Variants in SEPSECS observed in about 807,000 individuals in gnomAD.
The protein encoded by SEPSECS is O-phosphoseryl-tRNA(Sec) selenium transferase.
A neutral mutation model predicts 52.1 loss-of-function variants in SEPSECS; 42 were observed. The ratio of observed to expected loss-of-function variants is 0.81; its 90% CI spans 0.63 to 1.04. The LOEUF (loss-of-function observed/expected upper bound fraction) is 1.04, where lower values mean the gene tolerates loss of function less well. Ranked by LOEUF, SEPSECS falls within the 50% of genes least tolerant of loss-of-function variation. The pLI is 0.00. For synonymous variants in SEPSECS, 216 were observed against 211.4 expected, an observed-to-expected ratio of 1.02 and a Z score of -0.19; for missense variants, 590 against 610.6, an observed-to-expected ratio of 0.97 and a Z score of 0.36.
rs1239151782 is a variant in SEPSECS at position 25,123,934 on chromosome 4, T to C, written c.1503A>G (p.Ser501=). The C allele has an allele frequency of 1.9e-6, 3 of 1,612,806 alleles. No homozygotes were observed. The highest frequency in any genetic ancestry group is 1.1e-5 in the South Asian group (1 of 91,042). ...VLLDTYQDAS[S] ...TCAAGAAGAAACCCTTCGCATGTCA[T>C]GAAGAAGCATCCTGGTATGTGTCAA... The change falls in exon 11 of 11, where the codon TCA becomes TCG. Residue 501 remains serine, a synonymous_variant. Transcript: ENST00000382103.
At position 25,159,887 on chromosome 4, in the gene SEPSECS, A is replaced by G. The variant is rs973262265; in HGVS notation, c.114+369T>C. On this transcript the variant is annotated intron_variant, in intron 1 of 10. Transcript: ENST00000382103. ...TGGTTCGAGTTAGCATACAGTCTAC[A>G]AACACCATTATGTGTTCTGAGTCGT... The G allele has an allele frequency of 3.5e-6, 4 of 1,142,254 alleles. No individual in the cohort carries two copies. In the African/African-American group the frequency reaches 4.9e-5, roughly 14 times the overall value. The allele number at this position is 1,142,254 out of a possible 1,614,324, so 70.8% of individuals were successfully genotyped here.
intron 8 of SEPSECS, 86 bp downstream of exon 8, chr4:25,144,688 C>T: frequency 2.0e-6 from 2 of 982,698 alleles, no homozygotes; most frequent in Non-Finnish European, 3.3e-6. Context: ...CCTCCCAGTG[C>T]AAGAAACCAA....
chr4:25,147,199 G>T (rs555213869), intron 6 of SEPSECS, among the ~76,000 whole-genome samples: 33 of 152,152 alleles, frequency 2.2e-4, no homozygotes, highest in Non-Finnish European at 2.5e-4. Context: ...TGTACTTCTT[G>T]AAGAGTGCTT....
chr4:25,135,133 A>G (rs771444142), intron 8 of SEPSECS, among the ~76,000 whole-genome samples: 1 of 152,196 alleles, frequency 6.6e-6, no homozygotes, highest in Non-Finnish European at 1.5e-5. Context: ...TGACATTCTA[A>G]CATCAACTAA....
intron 8 of SEPSECS, 83 bp downstream of exon 8, chr4:25,144,691 G>A: frequency 9.9e-7 from 1 of 1,011,314 alleles, no homozygotes; most frequent in African/African-American, 1.6e-5. Flanking sequence ...CCCAGTGCAA[G>A]AAACCAACAG....
intron 6 of SEPSECS, among the ~76,000 whole-genome samples, chr4:25,151,169 G>T (rs554248765): frequency 6.6e-6 from 1 of 152,020 alleles, no homozygotes; most frequent in Non-Finnish European, 1.5e-5. Context: ...TTCAGTAACC[G>T]GTTTATTGAT....
At chr4:25,134,309 T>C (rs958946709) in intron 8 of SEPSECS, among the ~76,000 whole-genome samples, 7 of 130,122 alleles carry the variant, frequency 5.4e-5, no homozygotes, top group African/African-American at 1.7e-4. Context: ...CAAGACCCCA[T>C]ATCTTTAAAA....
intron 8 of SEPSECS, among the ~76,000 whole-genome samples, chr4:25,137,573 C>T (rs879318588): frequency 1.3e-5 from 2 of 152,124 alleles, no homozygotes; most frequent in South Asian, 2.1e-4. Context: ...ACAACAGATG[C>T]TGGCAAGGTT....
intron 8 of SEPSECS, among the ~76,000 whole-genome samples, chr4:25,143,480 A>G (rs1193988267): frequency 6.6e-6 from 1 of 152,202 alleles, no homozygotes; most frequent in Non-Finnish European, 1.5e-5. Context: ...AGCATAATGC[A>G]TTTGAGAGTC....
intron 8 of SEPSECS, among the ~76,000 whole-genome samples, chr4:25,137,984 C>T (rs944586207): frequency 1.3e-5 from 2 of 152,074 alleles, no homozygotes; most frequent in East Asian, 1.9e-4. Context: ...AATACCGCAT[C>T]GTCTCACTCT....
chr4:25,140,419 G>A (rs1460603876), intron 8 of SEPSECS, among the ~76,000 whole-genome samples: 1 of 152,168 alleles, frequency 6.6e-6, no homozygotes, highest in Non-Finnish European at 1.5e-5. Flanking sequence ...CACCAGGCTA[G>A]GTTATCTTCT....
At position 25,160,353 on chromosome 4, in the gene SEPSECS, A is replaced by C; in HGVS notation, c.17T>G (p.Phe6Cys). 6.5e-7 allele frequency: 1 copy of C among 1,548,792 alleles called. No homozygotes were observed. The highest frequency in any genetic ancestry group is 8.7e-7 in the Non-Finnish European group (1 of 1,145,454). The change falls in exon 1 of 11, where the codon TTC becomes TGC. Residue 6 changes from phenylalanine to cysteine, a missense_variant. Physicochemically the swap from Phe to Cys is radical, Grantham distance 205. Transcript: ENST00000382103. Reference sequence around the variant, plus strand: ...CGACACCAGCCGCTCTCCCGCCGCGAAGCTCTCGCGGTTCATGACAGCGGT... The same window carrying C: ...CGACACCAGCCGCTCTCCCGCCGCGCAGCTCTCGCGGTTCATGACAGCGGT... The part of the protein sequence containing the change: MNRES[F>C]AAGERLVSPA...
intron 8 of SEPSECS, among the ~76,000 whole-genome samples, chr4:25,130,166 AGTG>A (rs1444292533): frequency 6.6e-6 from 1 of 152,234 alleles, no homozygotes; most frequent in African/African-American, 2.4e-5. Flanking sequence ...TACATATTTC[AGTG>A]GTGAAGACAA....
At chr4:25,126,936 G>A (rs1241208311) in intron 9 of SEPSECS, among the ~76,000 whole-genome samples, 2 of 152,130 alleles carry the variant, frequency 1.3e-5, no homozygotes, top group Non-Finnish European at 1.5e-5. Context: ...GATTACAGGC[G>A]TGGGCCACCA....
chr4:25,125,566 T>C, intron 10 of SEPSECS, 128 bp downstream of exon 10: 1 of 716,098 alleles, frequency 1.4e-6, no homozygotes. Flanking sequence ...CTCATCATTC[T>C]TTACTCCATG....
Position 25,134,320 on chromosome 4 carries a change from ATGTGTGTGTGTG to A in SEPSECS, c.1027-6975_1027-6964del, listed in dbSNP as rs3066762. 1.7e-3 allele frequency among the ~76,000 whole-genome samples: 253 copies of A among 145,104 alleles called. 1 individual carries two copies. The highest frequency in any genetic ancestry group is 6.2e-3 in the African/African-American group (244 of 39,116). On this transcript the variant is annotated intron_variant, in intron 8 of 10. Coordinates refer to ENST00000382103, the MANE Select transcript of SEPSECS (RefSeq NM_016955.4). ...ATAGCAAGACCCCATATCTTTAAAAATGTGTGTGTGTGTGTGTGTGTGTGTGTGTGTGTATAA... is the reference window on the plus strand; with the variant it reads ...ATAGCAAGACCCCATATCTTTAAAAATGTGTGTGTGTGTGTGTGTGTATAA...
rs1471614148 is a variant in SEPSECS, at chr4:25,123,788, T to C, written c.*143A>G. ...GGGAAACTTAACAATCATCAATGGC[T>C]AGTTCAGACCAAAGTCTGCTCCTTG... is the stretch of plus-strand genomic sequence containing the variant. On this transcript the variant is annotated 3_prime_UTR_variant, in exon 11 of 11. Transcript: ENST00000382103. 1.3e-5 allele frequency: 9 copies of C among 695,240 alleles called. No homozygotes were observed. Among genetic ancestry groups the C allele is most frequent in the African/African-American group, 3.6e-5 (2 of 56,286 alleles). The allele number at this position is 695,240 out of a possible 1,614,324, so 43.1% of individuals were successfully genotyped here. A position where few individuals can be genotyped will look rare whatever the true frequency, so the allele number is the denominator to read the frequency against.
At chr4:25,136,277 G>T (rs1259829547) in intron 8 of SEPSECS, among the ~76,000 whole-genome samples, 1 of 152,182 alleles carries the variant, frequency 6.6e-6, no homozygotes, top group East Asian at 1.9e-4. Context: ...TCTGGTTGCA[G>T]ATGACATGAT....
chr4:25,143,810 A>C (rs1356690407), intron 8 of SEPSECS, among the ~76,000 whole-genome samples: 1 of 152,218 alleles, frequency 6.6e-6, no homozygotes, highest in Non-Finnish European at 1.5e-5. Context: ...TATAAATATA[A>C]GGGACTACAA....
Sources: allele counts gnomAD v4.1 joint callset (sites outside exome capture counted in the v4.1 genomes callset), GRCh38; gene constraint gnomAD v4.1.1; transcripts MANE v1.5; gene names NCBI Gene and HGNC (gene_info 2026-07-23, HGNC 2026-07-21).